CACNA1C: variants seen among roughly 807,000 people sequenced by gnomAD.
CACNA1C encodes calcium voltage-gated channel subunit alpha1 C, also known as voltage-dependent L-type calcium channel subunit alpha-1C.
In CACNA1C, 30 loss-of-function variants were observed where a neutral mutation model predicts 229.0. The observed-to-expected ratio is 0.13, with a 90% CI of 0.10 to 0.18. CACNA1C has a LOEUF of 0.18. Ranked by LOEUF, CACNA1C falls within the 10% of genes least tolerant of loss-of-function variation. The pLI, the probability that CACNA1C is intolerant of heterozygous loss-of-function variation, is 1.00. For synonymous variants in CACNA1C, 1,114 were observed against 1,132.5 expected (o/e 0.98, Z 0.33); for missense variants, 1,658 against 2,845.0 (o/e 0.58, Z 9.49).
chr12:2,500,618 C>A (rs945110117), intron 7 of CACNA1C, among the ~76,000 whole-genome samples: 1 of 152,136 alleles, frequency 6.6e-6, no homozygotes, highest in Admixed American at 6.5e-5. Context: ...GCTGCTCCCA[C>A]GTGTCCTGAA....
intron 3 of CACNA1C, among the ~76,000 whole-genome samples, chr12:2,278,362 A>G (rs1388204339): frequency 6.6e-6 from 1 of 152,218 alleles, no homozygotes; most frequent in African/African-American, 2.4e-5. Context: ...GGGTGAGCAT[A>G]TCCATCACTC....
At chr12:2,684,086 G>C (rs1180364442) in intron 43 of CACNA1C, among the ~76,000 whole-genome samples, 1 of 152,204 alleles carries the variant, frequency 6.6e-6, no homozygotes, top group Non-Finnish European at 1.5e-5. Context: ...CCCACCCTGA[G>C]GAGTGTGGGG....
intron 3 of CACNA1C, among the ~76,000 whole-genome samples, chr12:2,235,429 C>A (rs1173326453): frequency 6.6e-6 from 1 of 152,214 alleles, no homozygotes; most frequent in African/African-American, 2.4e-5. Flanking sequence ...ATGCCAAGGG[C>A]TGGAGCAACC....
At chr12:2,598,152 G>A (rs1329172889) in intron 21 of CACNA1C, among the ~76,000 whole-genome samples, 1 of 152,180 alleles carries the variant, frequency 6.6e-6, no homozygotes, top group African/African-American at 2.4e-5. Context: ...AGTGCCCCTT[G>A]CCCTGAGCGT....
chr12:2,183,845 G>A (rs1000242337), intron 3 of CACNA1C, among the ~76,000 whole-genome samples: 9 of 152,224 alleles, frequency 5.9e-5, no homozygotes, highest in African/African-American at 2.2e-4. Flanking sequence ...TGTCTCTAGA[G>A]GTTCTTAAGA....
intron 3 of CACNA1C, among the ~76,000 whole-genome samples, chr12:2,227,652 G>C (rs2063421961): frequency 6.6e-6 from 1 of 152,160 alleles, no homozygotes; most frequent in African/African-American, 2.4e-5. Context: ...TCTCCCATCA[G>C]TTATCACTCC....
chr12:2,579,209 T>C (rs1406750173), intron 13 of CACNA1C, among the ~76,000 whole-genome samples: 1 of 152,132 alleles, frequency 6.6e-6, no homozygotes, highest in Non-Finnish European at 1.5e-5. Context: ...GTTGCAGTTA[T>C]TTCCCACATG....
Position 2,630,075 on chromosome 12 carries a change from C to T in CACNA1C, c.3829-4222C>T, listed in dbSNP as rs1196259286. On this transcript the variant is annotated intron_variant, in intron 29 of 46. Transcript: ENST00000399655. The surrounding 1 kb of genome is among the most constrained non-coding windows in gnomAD (Gnocchi z 5.4). ...AAAACGCTTTCCCTTCTGGGCAGCC[C>T]GCCCTGCGTGGCTCTGAGGAGCTGG... is the stretch of plus-strand genomic sequence containing the variant. Among the ~76,000 whole-genome samples the T allele has an allele frequency of 3.9e-5, 6 of 152,186 alleles. No individual in the cohort carries two copies. Among genetic ancestry groups the T allele is most frequent in the East Asian group, 3.9e-4 (2 of 5,194 alleles).
At chr12:2,050,025 A>T (rs2051848307), upstream of CACNA1C, among the ~76,000 whole-genome samples, 1 of 152,242 alleles carries the variant, frequency 6.6e-6, no homozygotes. Context: ...TACTTGCTAG[A>T]TTTATACAGT....
At chr12:2,642,556 G>A (rs969070661) in intron 30 of CACNA1C, among the ~76,000 whole-genome samples, 3 of 152,178 alleles carry the variant, frequency 2.0e-5, no homozygotes, top group Admixed American at 6.5e-5. Context: ...GAGAAGCATG[G>A]CCACTTCTGT....
In CACNA1C at chr12:2,315,242, A is replaced by G. The variant is rs577970059; in HGVS notation, c.478-133734A>G. ...CCACAGACGTGGCCTTTTCTTGTTT[A>G]TCCAGAGGGTTTGGGGAAGCACAGC... On this transcript the variant is annotated intron_variant, in intron 3 of 46. Coordinates refer to ENST00000399655, the MANE Select transcript of CACNA1C (RefSeq NM_000719.7). Among the ~76,000 whole-genome samples the G allele has an allele frequency of 1.4e-4, 21 of 152,330 alleles. No homozygotes were observed. In the South Asian group the frequency reaches 1.7e-3, roughly 12 times the overall value.
At chr12:2,634,028 G>A (rs1005554553) in intron 29 of CACNA1C, among the ~76,000 whole-genome samples, 2 of 152,100 alleles carry the variant, frequency 1.3e-5, no homozygotes, top group Non-Finnish European at 2.9e-5. Flanking sequence ...ACAGCCCCAC[G>A]CCACCTTTGA....
At chr12:2,154,004 G>T (rs558429698) in intron 3 of CACNA1C, among the ~76,000 whole-genome samples, 3 of 151,888 alleles carry the variant, frequency 2.0e-5, no homozygotes, top group Non-Finnish European at 2.9e-5. Context: ...CTGGGTAGAG[G>T]TTCTTTAAAA....
chr12:2,066,273 G>T (rs2059225466), intron 1 of CACNA1C, among the ~76,000 whole-genome samples: 1 of 152,072 alleles, frequency 6.6e-6, no homozygotes, highest in African/African-American at 2.4e-5. Context: ...TGTCTAAGAA[G>T]GTGCTATTTG....
chr12:2,166,514 G>A (rs2096241648), intron 3 of CACNA1C, among the ~76,000 whole-genome samples: 1 of 152,182 alleles, frequency 6.6e-6, no homozygotes. Flanking sequence ...GGAACAATGG[G>A]CTTCTCTTGA....
intron 13 of CACNA1C, among the ~76,000 whole-genome samples, chr12:2,580,509 G>A (rs1272316220): frequency 6.6e-6 from 1 of 152,246 alleles, no homozygotes; most frequent in African/African-American, 2.4e-5. Flanking sequence ...GAGGGGGCCA[G>A]AGGGAAATGA....
At chr12:2,284,974 C>G (rs1032046275) in intron 3 of CACNA1C, among the ~76,000 whole-genome samples, 8 of 152,186 alleles carry the variant, frequency 5.3e-5, no homozygotes, top group African/African-American at 1.9e-4. Context: ...AGCCTGCCCT[C>G]TGGTGGGCGA....
Position 2,566,009 on chromosome 12 carries a change from T to C in CACNA1C, c.1509-413T>C, listed in dbSNP as rs183560214. On this transcript the variant is annotated intron_variant, in intron 11 of 46. Coordinates refer to ENST00000399655, the MANE Select transcript of CACNA1C (RefSeq NM_000719.7). The surrounding 1 kb of genome is among the most constrained non-coding windows in gnomAD (Gnocchi z 4.0). ...AGAATTGGAGAGAAGGCATGAGAAG[T>C]GCCTGATGTGGTACTGGGCCCCTCC... is the stretch of plus-strand genomic sequence containing the variant. Among the ~76,000 whole-genome samples the C allele has an allele frequency of 2.6e-5, 4 of 152,318 alleles. No homozygotes were observed. The highest frequency in any genetic ancestry group is 9.6e-5 in the African/African-American group (4 of 41,568).
At chr12:2,381,123 G>A (rs2098233706) in intron 3 of CACNA1C, among the ~76,000 whole-genome samples, 1 of 152,200 alleles carries the variant, frequency 6.6e-6, no homozygotes, top group African/African-American at 2.4e-5. Context: ...GTGGTTGTGG[G>A]AAGTCCCTCA....
Sources: gnomAD v4.1 joint callset for allele counts (sites outside exome capture counted in the v4.1 genomes callset) on GRCh38, gnomAD v4.1.1 for gene constraint, Gnocchi (gnomAD v3.1) non-coding constraint, MANE v1.5 for transcripts, NCBI Gene and HGNC (gene_info 2026-07-23, HGNC 2026-07-21) for gene names.